The following CNTN4 variants were observed in gnomAD, a reference collection of about 807,000 sequenced individuals.
CNTN4 encodes contactin-4.
Under a neutral mutation model 122.5 loss-of-function variants are expected in CNTN4, and 77 were observed. That is an observed-to-expected ratio of 0.63 (90% CI 0.52 to 0.76). The LOEUF is 0.76. Among genes scored for constraint, CNTN4 ranks in the 30% least tolerant of loss-of-function variants. The pLI, the probability that CNTN4 is intolerant of heterozygous loss-of-function variation, is 0.00. For synonymous variants in CNTN4, 512 were observed against 447.0 expected, an observed-to-expected ratio of 1.15 and a Z score of -1.83; for missense variants, 1,256 against 1,259.1, an observed-to-expected ratio of 1.00 and a Z score of 0.04.
chr3:2,483,041 C>T (rs2076051205), intron 3 of CNTN4, among the ~76,000 whole-genome samples: 1 of 152,074 alleles, frequency 6.6e-6, no homozygotes, highest in African/African-American at 2.4e-5. Context: ...TTGTACTGTG[C>T]ACCTGGAAAA....
Position 2,644,057 on chromosome 3 carries a change from C to T in CNTN4, c.55+72499C>T, listed in dbSNP as rs138872893. 3.9e-4 allele frequency among the ~76,000 whole-genome samples: 59 copies of T among 152,286 alleles called. 1 individual carries two copies. In the East Asian group the frequency reaches 0.01, roughly 26 times the overall value. ...ACACTGTAAGTAACTCTCATTCCTCCTTATGATTCCATTTACTACTGCCTA... is the reference window on the plus strand; with the variant it reads ...ACACTGTAAGTAACTCTCATTCCTCTTTATGATTCCATTTACTACTGCCTA... On this transcript the variant is annotated intron_variant, in intron 4 of 24. Transcript: ENST00000418658.
chr3:2,839,636 G>A (rs569566310), intron 7 of CNTN4, among the ~76,000 whole-genome samples: 3 of 152,280 alleles, frequency 2.0e-5, no homozygotes, highest in Admixed American at 6.5e-5. Context: ...TGAACCAGAT[G>A]TAAGATAATA....
intron 7 of CNTN4, among the ~76,000 whole-genome samples, chr3:2,820,826 C>T (rs1324526618): frequency 6.6e-6 from 1 of 151,604 alleles, no homozygotes; most frequent in East Asian, 1.9e-4. Context: ...GTTCCTTGAC[C>T]ATAGAATCTA....
Position 2,427,919 on chromosome 3 carries a change from G to C in CNTN4, c.-89+88686G>C, listed in dbSNP as rs143889435. 8.3e-3 allele frequency among the ~76,000 whole-genome samples: 1,260 copies of C among 151,786 alleles called. 34 individuals are homozygous for C. The highest frequency in any genetic ancestry group is 0.068 in the South Asian group (329 of 4,818). On this transcript the variant is annotated intron_variant, in intron 3 of 24. Transcript: ENST00000418658. ...CCCTGCCTTTTTTTGTTTTCCATTT[G>C]CTTGGCAGATCTTCCTCCATCCCTT...
intron 4 of CNTN4, among the ~76,000 whole-genome samples, chr3:2,685,469 C>G (rs1019489909): frequency 2.0e-5 from 3 of 152,094 alleles, no homozygotes; most frequent in African/African-American, 7.2e-5. Context: ...CTAGCACTGT[C>G]CCATACAATA....
intron 3 of CNTN4, among the ~76,000 whole-genome samples, chr3:2,416,348 T>A: frequency 6.6e-6 from 1 of 152,206 alleles, no homozygotes; most frequent in East Asian, 1.9e-4. Context: ...AATTTATCAA[T>A]GCCATTAGTT....
chr3:2,490,419 T>C (rs2076283661), intron 3 of CNTN4, among the ~76,000 whole-genome samples: 1 of 152,222 alleles, frequency 6.6e-6, no homozygotes, highest in South Asian at 2.1e-4. Flanking sequence ...TCTTTGGTAA[T>C]GTTCTTGTTA....
Position 2,757,406 on chromosome 3 carries a change from G to C in CNTN4, c.358+11709G>C, listed in dbSNP as rs369853637. Among the ~76,000 whole-genome samples the C allele has an allele frequency of 2.6e-4, 40 of 152,264 alleles. No individual in the cohort carries two copies. In the South Asian group the frequency reaches 7.9e-3, roughly 30 times the overall value. ...CTCTCTGGACTTCTTCCGTTTTCTA[G>C]GTCATTTTCCCTGAATTCGACCTCT... On this transcript the variant is annotated intron_variant, in intron 6 of 24. Coordinates refer to ENST00000418658, the MANE Select transcript of CNTN4 (RefSeq NM_175607.3).
intron 2 of CNTN4, among the ~76,000 whole-genome samples, chr3:2,191,707 T>TACAC (rs1452715246): frequency 2.5e-4 from 35 of 140,374 alleles, no homozygotes; most frequent in Middle Eastern, 7.1e-3. Flanking sequence ...TATATATATA[T>TACAC]ATACACACAC....
intron 12 of CNTN4, among the ~76,000 whole-genome samples, chr3:2,914,618 T>G (rs555808249): frequency 4.5e-4 from 68 of 152,314 alleles, no homozygotes; most frequent in African/African-American, 1.4e-3. Context: ...GACTTAGAAC[T>G]AGCAAGGAGA....
chr3:2,162,943 A>G (rs1452097807), intron 2 of CNTN4, among the ~76,000 whole-genome samples: 1 of 152,046 alleles, frequency 6.6e-6, no homozygotes, highest in Non-Finnish European at 1.5e-5. Flanking sequence ...CAAAATATAT[A>G]AAAATTAGCT....
At chr3:2,162,934 AAAATATATAAAAAT>A (rs2036029691) in intron 2 of CNTN4, among the ~76,000 whole-genome samples, 1 of 152,030 alleles carries the variant, frequency 6.6e-6, no homozygotes, top group Admixed American at 6.6e-5. Flanking sequence ...CCATCTCTAC[AAAATATATAAAAAT>A]TAGCTGGGTG....
chr3:2,883,397 C>G (rs2093934802), intron 9 of CNTN4, 150 bp downstream of exon 9: 1 of 672,120 alleles, frequency 1.5e-6, no homozygotes, highest in Admixed American at 2.1e-5. Flanking sequence ...ATCTTGGATT[C>G]TGCCCCTCAC....
At chr3:2,188,863 TAA>T (rs1469354143) in intron 2 of CNTN4, among the ~76,000 whole-genome samples, 13 of 152,116 alleles carry the variant, frequency 8.5e-5, no homozygotes, top group Non-Finnish European at 1.6e-4. Flanking sequence ...TACCACAGAC[TAA>T]GACTATCAGC....
intron 3 of CNTN4, among the ~76,000 whole-genome samples, chr3:2,444,166 T>G (rs1236577145): frequency 1.4e-5 from 2 of 145,620 alleles, no homozygotes; most frequent in Non-Finnish European, 3.0e-5. Flanking sequence ...TCAATGAATA[T>G]AAATGGATAA....
At position 2,534,837 on chromosome 3, in the gene CNTN4, T is replaced by TGCTGCTGCTGCTGC. The variant is rs1435013675; in HGVS notation, c.-88-36579_-88-36578insGCTGCTGCTGCTGC. The stretch of plus-strand genomic sequence containing the variant: ...ACAATGTATGCTGCTGCTGCTGCTG[T>TGCTGCTGCTGCTGC]TGCTGTTATTGTTGCTGCGGTTGTT... On this transcript the variant is annotated intron_variant, in intron 3 of 24. Transcript: ENST00000418658. Among the ~76,000 whole-genome samples, 86 of 50,086 alleles carry TGCTGCTGCTGCTGC rather than the reference T, an allele frequency of 1.7e-3. 1 individual carries two copies. Among genetic ancestry groups the TGCTGCTGCTGCTGC allele is most frequent in the African/African-American group, 3.1e-3 (53 of 17,262 alleles). The allele number at this position is 50,086 out of a possible 152,430, so 32.9% of individuals were successfully genotyped here.
At chr3:2,998,962 A>T (rs1017688620) in intron 14 of CNTN4, 17 of 152,222 alleles carry the variant, frequency 1.1e-4, no homozygotes, top group East Asian at 1.9e-4. Context: ...TTATGTTGTA[A>T]TTATATTATT....
In CNTN4 at chr3:2,994,747, G is replaced by A. The variant is rs550507746; in HGVS notation, c.1486+6275G>A. Reference sequence around the variant, plus strand: ...CCTTTCCATGCATAGCATAATAGACGCAATAAAGTAGAGTCTTTTCAGTTG... The same window carrying A: ...CCTTTCCATGCATAGCATAATAGACACAATAAAGTAGAGTCTTTTCAGTTG... On this transcript the variant is annotated intron_variant, in intron 14 of 24. Transcript: ENST00000418658. 3.9e-5 allele frequency among the ~76,000 whole-genome samples: 6 copies of A among 152,092 alleles called. No homozygotes were observed. In the South Asian group the frequency reaches 1.2e-3, roughly 32 times the overall value.
At chr3:2,874,416 A>C (rs1251537373) in intron 8 of CNTN4, among the ~76,000 whole-genome samples, 1 of 152,208 alleles carries the variant, frequency 6.6e-6, no homozygotes, top group Non-Finnish European at 1.5e-5. Context: ...GAAATGAAAG[A>C]GGGAAGCAGA....
Sources: allele counts gnomAD v4.1 joint callset (sites outside exome capture counted in the v4.1 genomes callset), GRCh38; gene constraint gnomAD v4.1.1; transcripts MANE v1.5; gene names NCBI Gene and HGNC (gene_info 2026-07-23, HGNC 2026-07-21).